The following RIMBP2 variants were observed in gnomAD, a reference collection of about 807,000 sequenced individuals.
RIMBP2 encodes RIMS binding protein 2, also known as RIMS-binding protein 2.
RIMBP2 carries 48 observed loss-of-function variants against 118.6 expected under a neutral mutation model. That is an observed-to-expected ratio of 0.40 (90% CI 0.32 to 0.51). RIMBP2 has a LOEUF of 0.51. Among genes scored for constraint, RIMBP2 ranks in the 20% least tolerant of loss-of-function variants. The probability of loss-of-function intolerance (pLI) is 0.41; values close to 1 mark genes in which losing one functional copy is unlikely to be tolerated. For synonymous variants in RIMBP2, 762 were observed against 742.9 expected (o/e 1.03, Z -0.42); for missense variants, 1,551 against 1,768.3 (o/e 0.88, Z 2.20).
chr12:130,491,516 G>A (rs975975699), intron 4 of RIMBP2, among the ~76,000 whole-genome samples: 8 of 152,172 alleles, frequency 5.3e-5, no homozygotes, highest in African/African-American at 1.9e-4. Context: ...GAGTTCTCAG[G>A]CCACCACGCA....
intron 1 of RIMBP2, among the ~76,000 whole-genome samples, chr12:130,675,987 G>T (rs12582609): frequency 0.031 from 4,671 of 152,316 alleles, 83 homozygotes; most frequent in East Asian, 0.064. Flanking sequence ...GCATTAGCGC[G>T]CCATAAGGGG....
chr12:130,512,618 C>T (rs1238932097), intron 3 of RIMBP2, among the ~76,000 whole-genome samples: 2 of 152,178 alleles, frequency 1.3e-5, no homozygotes, highest in Admixed American at 6.5e-5. Flanking sequence ...CCACCGCACC[C>T]GGCCTGGGTC....
intron 2 of RIMBP2, among the ~76,000 whole-genome samples, chr12:130,531,234 A>T (rs1414184522): frequency 6.6e-6 from 1 of 152,210 alleles, no homozygotes; most frequent in Non-Finnish European, 1.5e-5. Flanking sequence ...ATAGGTGTAC[A>T]ACTCCATTAA....
intron 4 of RIMBP2, among the ~76,000 whole-genome samples, chr12:130,493,028 G>C (rs999193907): frequency 1.3e-5 from 2 of 152,098 alleles, no homozygotes; most frequent in African/African-American, 4.8e-5. Flanking sequence ...CTATTCAGGG[G>C]ACTGGGGCTC....
intron 18 of RIMBP2, 29 bp from the exon 19 acceptor site, chr12:130,412,816 C>A (rs777892501): frequency 4.4e-6 from 7 of 1,592,832 alleles, no homozygotes; most frequent in Non-Finnish European, 5.1e-6. Flanking sequence ...ATAAATCAAG[C>A]ACTGTAATTG....
At chr12:130,429,504 G>A (rs1009567123) in intron 14 of RIMBP2, 2 of 152,198 alleles carry the variant, frequency 1.3e-5, no homozygotes, top group Non-Finnish European at 2.9e-5. Context: ...CGAACTACAC[G>A]TTCTGATGCA....
At chr12:130,707,919 T>C (rs939918504) in intron 1 of RIMBP2, among the ~76,000 whole-genome samples, 8 of 151,724 alleles carry the variant, frequency 5.3e-5, no homozygotes, top group African/African-American at 1.7e-4. Flanking sequence ...ATGGGGGGAT[T>C]GAGAGAGAGG....
chr12:130,440,355 A>C (rs940290076), intron 11 of RIMBP2, among the ~76,000 whole-genome samples: 2 of 152,138 alleles, frequency 1.3e-5, no homozygotes, highest in Admixed American at 1.3e-4. Flanking sequence ...GCTGACCTAC[A>C]TGTGATTGTC....
intron 2 of RIMBP2, among the ~76,000 whole-genome samples, chr12:130,602,986 T>C (rs2059960689): frequency 6.6e-6 from 1 of 152,210 alleles, no homozygotes; most frequent in African/African-American, 2.4e-5. Context: ...GTTGCAGCAC[T>C]GGTCAGTGAA....
At chr12:130,439,589 G>A (rs1330229118) in intron 11 of RIMBP2, among the ~76,000 whole-genome samples, 1 of 118,286 alleles carries the variant, frequency 8.5e-6, no homozygotes, top group Non-Finnish European at 1.7e-5. Context: ...GTGGGGGTAT[G>A]TGTGTGGGGG....
In RIMBP2 at chr12:130,553,148, A is replaced by G. The variant is rs1198158964; in HGVS notation, c.-216-35231T>C. Reference sequence around the variant, plus strand: ...AGCCTGGGCAACAGAGCGAGACTCCATCTCAAAAAAAAAAAAAGAAAAGAA... The same window carrying G: ...AGCCTGGGCAACAGAGCGAGACTCCGTCTCAAAAAAAAAAAAAGAAAAGAA... On this transcript the variant is annotated intron_variant, in intron 2 of 22. Transcript: ENST00000690449. Among the ~76,000 whole-genome samples, 6 of 141,630 alleles carry G rather than the reference A, an allele frequency of 4.2e-5. No homozygotes were observed. In the South Asian group the frequency reaches 1.5e-3, roughly 35 times the overall value. 92.9% of individuals were successfully genotyped at this position (141,630 alleles called of 152,430 possible). A position where few individuals can be genotyped will look rare whatever the true frequency, so the allele number is the denominator to read the frequency against.
intron 6 of RIMBP2, chr12:130,466,409 C>G (rs2080480792): frequency 6.6e-6 from 1 of 152,158 alleles, no homozygotes; most frequent in African/African-American, 2.4e-5. Flanking sequence ...GGACTTCACG[C>G]AGAGCAACCA....
Position 130,646,419 on chromosome 12 carries a change from C to T in RIMBP2, c.-351-17963G>A, listed in dbSNP as rs76768368. Among the ~76,000 whole-genome samples, 19 of 116,836 alleles carry T rather than the reference C, an allele frequency of 1.6e-4. 7 individuals carry two copies. Among genetic ancestry groups the T allele is most frequent in the Admixed American group, 5.9e-4 (7 of 11,962 alleles). The allele number at this position is 116,836 out of a possible 152,430, so 76.6% of individuals were successfully genotyped here. On this transcript the variant is annotated intron_variant, in intron 1 of 22. Transcript: ENST00000690449. ...ACCACCTGCCTCTCCACCTCCCTCA[C>T]CACTTCCCTCTCCACCTCCCTTGCC...
chr12:130,637,266 C>A (rs2062394235), intron 1 of RIMBP2, among the ~76,000 whole-genome samples: 1 of 152,204 alleles, frequency 6.6e-6, no homozygotes, highest in African/African-American at 2.4e-5. Context: ...TGCTTATCAC[C>A]AGTTGCCCCA....
chr12:130,449,190 C>T (rs61935894), intron 9 of RIMBP2, among the ~76,000 whole-genome samples: 160 of 152,312 alleles, frequency 1.1e-3, no homozygotes, highest in African/African-American at 3.7e-3. Context: ...TGGGTCTTCA[C>T]GAGTGCTAAG....
chr12:130,399,283 C>A (rs1043969651), intron 22 of RIMBP2: 5 of 518,410 alleles, frequency 9.6e-6, no homozygotes, highest in East Asian at 4.4e-5. Flanking sequence ...TCTAATAGTT[C>A]AATATGCTTG....
intron 1 of RIMBP2, among the ~76,000 whole-genome samples, chr12:130,630,691 G>A (rs1295544063): frequency 6.6e-6 from 1 of 152,152 alleles, no homozygotes; most frequent in Non-Finnish European, 1.5e-5. Context: ...CCGTTAGAAA[G>A]AAGAGGTGGA....
intron 2 of RIMBP2, among the ~76,000 whole-genome samples, chr12:130,552,793 G>C (rs1196252510): frequency 6.6e-6 from 1 of 152,170 alleles, no homozygotes; most frequent in African/African-American, 2.4e-5. Context: ...CTTGTGCACT[G>C]TCCAAGGTGC....
chr12:130,605,345 C>T (rs996585413), intron 2 of RIMBP2, among the ~76,000 whole-genome samples: 18 of 152,222 alleles, frequency 1.2e-4, no homozygotes, highest in East Asian at 1.9e-4. Flanking sequence ...GTCAATCACG[C>T]GGGGAAACCG....
Sources: allele counts gnomAD v4.1 joint callset (sites outside exome capture counted in the v4.1 genomes callset), GRCh38; gene constraint gnomAD v4.1.1; transcripts MANE v1.5; gene names NCBI Gene and HGNC (gene_info 2026-07-23, HGNC 2026-07-21).